The following PRORP variants were observed in gnomAD, a reference collection of about 807,000 sequenced individuals.
The protein encoded by PRORP is protein only RNase P catalytic subunit.
In PRORP, 51 loss-of-function variants were observed where a neutral mutation model predicts 59.4. The ratio of observed to expected loss-of-function variants is 0.86; its 90% CI spans 0.69 to 1.08. PRORP has a LOEUF of 1.08. PRORP is among the 50% of genes least tolerant of loss of function. The pLI, the probability that PRORP is intolerant of heterozygous loss-of-function variation, is 0.00. For missense variants in PRORP, 646 were observed against 690.3 expected (o/e 0.94, Z 0.72); for synonymous variants, 231 against 245.6 (o/e 0.94, Z 0.55).
chr14:35,200,383 G>T (rs1368364983), intron 5 of PRORP, among the ~76,000 whole-genome samples: 1 of 151,940 alleles, frequency 6.6e-6, no homozygotes, highest in Non-Finnish European at 1.5e-5. Context: ...GTAGAGGCAG[G>T]GTTTTACTAT....
intron 5 of PRORP, among the ~76,000 whole-genome samples, chr14:35,195,597 T>C (rs2048989189): frequency 6.6e-6 from 1 of 152,104 alleles, no homozygotes; most frequent in Non-Finnish European, 1.5e-5. Flanking sequence ...ATTTTAAAGA[T>C]AAGAAACTAA....
In PRORP at chr14:35,143,164, G is replaced by C. The variant is rs995322510; in HGVS notation, c.1167+15553G>C. The stretch of plus-strand genomic sequence containing the variant: ...CTAGAGAGCTTTTGTTTTTTGTTTT[G>C]TTTTAAGCGAGACAGTCTCTCTCTG... On this transcript the variant is annotated intron_variant, in intron 4 of 7. Transcript: ENST00000534898. Among the ~76,000 whole-genome samples the C allele has an allele frequency of 2.8e-5, 4 of 145,418 alleles. 1 individual carries two copies.
intron 5 of PRORP, among the ~76,000 whole-genome samples, chr14:35,220,582 T>C (rs2049747117): frequency 6.6e-6 from 1 of 152,122 alleles, no homozygotes; most frequent in Admixed American, 6.5e-5. Context: ...GGAAATGTAA[T>C]GAATCCCCTC....
chr14:35,247,611 C>T (rs191562451), intron 5 of PRORP, among the ~76,000 whole-genome samples: 2 of 152,212 alleles, frequency 1.3e-5, no homozygotes, highest in African/African-American at 4.8e-5. Flanking sequence ...TATACTTTCC[C>T]AGAGTGAGCA....
intron 5 of PRORP, among the ~76,000 whole-genome samples, chr14:35,251,091 C>G (rs1478923559): frequency 2.6e-5 from 4 of 152,204 alleles, no homozygotes; most frequent in Non-Finnish European, 5.9e-5. Context: ...CATAGCTTAG[C>G]TCCCACTTAT....
At chr14:35,163,399 G>T (rs528689397) in intron 4 of PRORP, among the ~76,000 whole-genome samples, 1 of 152,098 alleles carries the variant, frequency 6.6e-6, no homozygotes, top group African/African-American at 2.4e-5. Context: ...ACCTAGTAAG[G>T]TGTTGTGACC....
At chr14:35,164,466 C>CA (rs2048133930) in intron 4 of PRORP, among the ~76,000 whole-genome samples, 1 of 152,156 alleles carries the variant, frequency 6.6e-6, no homozygotes, top group Non-Finnish European at 1.5e-5. Flanking sequence ...TAAAAAAGAA[C>CA]AAAGTCATGT....
chr14:35,205,854 C>T (rs2049280078), intron 5 of PRORP, among the ~76,000 whole-genome samples: 1 of 152,108 alleles, frequency 6.6e-6, no homozygotes, highest in Admixed American at 6.5e-5. Flanking sequence ...GGGGGTTCCT[C>T]TCCAGGAAGT....
chr14:35,176,539 G>C (rs2048455185), intron 4 of PRORP, among the ~76,000 whole-genome samples: 1 of 152,114 alleles, frequency 6.6e-6, no homozygotes, highest in African/African-American at 2.4e-5. Context: ...TTGGCTCTCT[G>C]TTTGTCTGTT....
At chr14:35,162,789 A>G (rs2048093988) in intron 4 of PRORP, among the ~76,000 whole-genome samples, 1 of 152,046 alleles carries the variant, frequency 6.6e-6, no homozygotes, top group African/African-American at 2.4e-5. Flanking sequence ...TAAATTTTTC[A>G]TCCATTTGGA....
chr14:35,150,286 T>C (rs2047712370), intron 4 of PRORP, among the ~76,000 whole-genome samples: 9 of 152,180 alleles, frequency 5.9e-5, no homozygotes, highest in Admixed American at 5.9e-4. Flanking sequence ...AATTTCAGTA[T>C]TGTTGTGTCT....
intron 5 of PRORP, among the ~76,000 whole-genome samples, chr14:35,217,050 C>G (rs2049617256): frequency 6.6e-6 from 1 of 152,042 alleles, no homozygotes; most frequent in South Asian, 2.1e-4. Context: ...GATATTAGGT[C>G]CTTCTCAGAT....
At chr14:35,244,345 G>C (rs1393808084) in intron 5 of PRORP, among the ~76,000 whole-genome samples, 1 of 152,052 alleles carries the variant, frequency 6.6e-6, no homozygotes, top group East Asian at 1.9e-4. Flanking sequence ...TAATATGAGA[G>C]TTACTCGATT....
chr14:35,179,829 G>C (rs553705744), intron 4 of PRORP, among the ~76,000 whole-genome samples: 1 of 152,276 alleles, frequency 6.6e-6, no homozygotes, highest in South Asian at 2.1e-4. Context: ...AGAATTTTCA[G>C]CTTCTCTGCT....
chr14:35,228,373 T>C (rs1842976595), intron 5 of PRORP, among the ~76,000 whole-genome samples: 1 of 152,190 alleles, frequency 6.6e-6, no homozygotes, highest in Non-Finnish European at 1.5e-5. Flanking sequence ...TGCACGATGC[T>C]GAGGTTTGGA....
intron 5 of PRORP, chr14:35,262,579 A>G: frequency 1.4e-6 from 1 of 711,868 alleles, no homozygotes; most frequent in Non-Finnish European, 2.6e-6. Flanking sequence ...TTTCAATCAC[A>G]TCAGTGTAGA....
intron 5 of PRORP, among the ~76,000 whole-genome samples, chr14:35,215,399 C>T (rs750978430): frequency 3.3e-5 from 5 of 151,676 alleles, no homozygotes; most frequent in African/African-American, 4.8e-5. Context: ...TTAGATGAGG[C>T]GATATAAACC....
At chr14:35,124,873 T>C (rs2047057946) in intron 2 of PRORP, among the ~76,000 whole-genome samples, 2 of 144,878 alleles carry the variant, frequency 1.4e-5, no homozygotes, top group African/African-American at 2.5e-5. Context: ...CTCTCTCCCT[T>C]TTTTTTTTTT....
At chr14:35,247,129 A>G (rs1189474723) in intron 5 of PRORP, among the ~76,000 whole-genome samples, 1 of 152,222 alleles carries the variant, frequency 6.6e-6, no homozygotes, top group African/African-American at 2.4e-5. Flanking sequence ...GAACCCAGGC[A>G]GCCTGATGCC....
Sources: allele counts gnomAD v4.1 joint callset (sites outside exome capture counted in the v4.1 genomes callset), GRCh38; gene constraint gnomAD v4.1.1; transcripts MANE v1.5; gene names NCBI Gene and HGNC (gene_info 2026-07-23, HGNC 2026-07-21).